The following EPHB1 variants were observed in gnomAD, a reference collection of about 807,000 sequenced individuals.
The protein encoded by EPHB1 is ephrin type-B receptor 1.
A neutral mutation model predicts 94.4 loss-of-function variants in EPHB1; 30 were observed. That is an observed-to-expected ratio of 0.32 (90% CI 0.24 to 0.43). The LOEUF is 0.43. Among genes scored for constraint, EPHB1 ranks in the 20% least tolerant of loss-of-function variants. EPHB1 has a pLI of 1.00. For missense variants in EPHB1, 1,055 were observed against 1,308.3 expected, an observed-to-expected ratio of 0.81 and a Z score of 2.99; for synonymous variants, 522 against 489.1, an observed-to-expected ratio of 1.07 and a Z score of -0.89.
intron 1 of EPHB1, among the ~76,000 whole-genome samples, chr3:134,826,259 A>G (rs1366251587): frequency 1.3e-5 from 2 of 151,848 alleles, no homozygotes; most frequent in Non-Finnish European, 2.9e-5. Context: ...CTCAAAAAAA[A>G]AAAAAAAAGC....
At chr3:135,165,864 C>CT (rs1941638919) in intron 7 of EPHB1, 104 bp from the exon 8 acceptor site, 1 of 782,888 alleles carries the variant, frequency 1.3e-6, no homozygotes, top group Non-Finnish European at 2.2e-6. Context: ...AAACTATCCT[C>CT]TACATATATG....
intron 1 of EPHB1, among the ~76,000 whole-genome samples, chr3:134,869,361 T>C (rs1335602454): frequency 6.6e-6 from 1 of 152,216 alleles, no homozygotes; most frequent in African/African-American, 2.4e-5. Context: ...CCATTCTCAA[T>C]AGACTCTGCA....
chr3:134,915,473 C>T (rs578219264), intron 1 of EPHB1, among the ~76,000 whole-genome samples: 1 of 152,240 alleles, frequency 6.6e-6, no homozygotes, highest in African/African-American at 2.4e-5. Flanking sequence ...AGATCCTCCC[C>T]GATAGGTTCA....
chr3:135,141,937 A>G (rs1030279145), intron 5 of EPHB1, among the ~76,000 whole-genome samples: 2 of 152,186 alleles, frequency 1.3e-5, no homozygotes, highest in Non-Finnish European at 2.9e-5. Flanking sequence ...ATGGAGAACA[A>G]AGAAAGCAAA....
intron 1 of EPHB1, among the ~76,000 whole-genome samples, chr3:134,813,240 G>T (rs1272584733): frequency 6.6e-6 from 1 of 152,084 alleles, no homozygotes; most frequent in Non-Finnish European, 1.5e-5. Context: ...ACATGACCTG[G>T]GATTGTGCTA....
intron 3 of EPHB1, among the ~76,000 whole-genome samples, chr3:135,049,195 C>A (rs78109022): frequency 6.6e-6 from 1 of 152,322 alleles, no homozygotes; most frequent in East Asian, 1.9e-4. Context: ...ACCTCCTTGC[C>A]TGAATATTTG....
At chr3:135,053,266 C>T (rs1259564490) in intron 3 of EPHB1, among the ~76,000 whole-genome samples, 4 of 151,644 alleles carry the variant, frequency 2.6e-5, no homozygotes, top group East Asian at 1.9e-4. Flanking sequence ...TTGATCATCA[C>T]ACACTCTATG....
At chr3:134,865,779 G>A (rs1014186019) in intron 1 of EPHB1, among the ~76,000 whole-genome samples, 14 of 152,152 alleles carry the variant, frequency 9.2e-5, no homozygotes, top group Non-Finnish European at 2.9e-5. Context: ...CCTTTTGGAT[G>A]AAAAAGCTAG....
At chr3:134,903,086 A>G (rs2038236366) in intron 1 of EPHB1, among the ~76,000 whole-genome samples, 2 of 152,224 alleles carry the variant, frequency 1.3e-5, no homozygotes, top group South Asian at 4.1e-4. Context: ...TGAGGGTACT[A>G]GGTCCCATTT....
chr3:134,980,933 C>T (rs1204004157), intron 3 of EPHB1, among the ~76,000 whole-genome samples: 1 of 152,118 alleles, frequency 6.6e-6, no homozygotes, highest in Non-Finnish European at 1.5e-5. Flanking sequence ...GAGGAGAAGC[C>T]AAAGAAACAG....
chr3:134,884,362 C>G (rs1249654199), intron 1 of EPHB1, among the ~76,000 whole-genome samples: 2 of 152,186 alleles, frequency 1.3e-5, no homozygotes, highest in African/African-American at 4.8e-5. Context: ...CTTTATTAAG[C>G]CTCAAAGAAG....
chr3:134,994,689 GCTGGGA>G (rs771332096), intron 3 of EPHB1, among the ~76,000 whole-genome samples: 5 of 152,318 alleles, frequency 3.3e-5, no homozygotes, highest in Non-Finnish European at 7.3e-5. Flanking sequence ...CTCCCATGCA[GCTGGGA>G]CTTCAGGCAC....
chr3:134,963,169 CCTTCCTTCCTTCCTT>C (rs1396801933), intron 3 of EPHB1, among the ~76,000 whole-genome samples: 1 of 148,516 alleles, frequency 6.7e-6, no homozygotes, highest in Non-Finnish European at 1.5e-5. Flanking sequence ...TTCCTTCCTT[CCTTCCTTCCTTCCTT>C]CTTCCTTCTT....
chr3:134,897,468 C>T (rs1003428230), intron 1 of EPHB1, among the ~76,000 whole-genome samples: 8 of 152,154 alleles, frequency 5.3e-5, no homozygotes, highest in Non-Finnish European at 8.8e-5. Context: ...CCTCTTAAGG[C>T]GCTCCTCACA....
intron 3 of EPHB1, among the ~76,000 whole-genome samples, chr3:134,965,356 TCTACCTACCCTGCCTATCTCTGC>T (rs1933695106): frequency 6.6e-6 from 1 of 152,218 alleles, no homozygotes; most frequent in Non-Finnish European, 1.5e-5. Context: ...CTTCCCCTGC[TCTACCTACCCTGCCTATCTCTGC>T]CTACCTACCC....
At chr3:134,992,656 G>A (rs1455212176) in intron 3 of EPHB1, among the ~76,000 whole-genome samples, 1 of 152,170 alleles carries the variant, frequency 6.6e-6, no homozygotes, top group Non-Finnish European at 1.5e-5. Context: ...CAGCCTTCAA[G>A]TGCCTGCCTA....
chr3:135,248,610 G>C (rs1354178851), intron 14 of EPHB1, 101 bp downstream of exon 14: 2 of 1,239,106 alleles, frequency 1.6e-6, no homozygotes, highest in Non-Finnish European at 2.2e-6. Context: ...TTTTTAAAGA[G>C]TATCTAGTTG....
chr3:134,805,570 C>T (rs2036027454), intron 1 of EPHB1, among the ~76,000 whole-genome samples: 1 of 152,084 alleles, frequency 6.6e-6, no homozygotes, highest in Admixed American at 6.5e-5. Flanking sequence ...CTTCCTTTCC[C>T]AGCTCCACAC....
Position 135,180,360 on chromosome 3 carries a change from A to T in EPHB1, c.1882+378A>T, listed in dbSNP as rs375186168. Among the ~76,000 whole-genome samples, 5 of 152,388 alleles carry T rather than the reference A, an allele frequency of 3.3e-5. No individual in the cohort carries two copies. The South Asian group carries it at 8.3e-4, about 25-fold the overall frequency. On this transcript the variant is annotated intron_variant, in intron 10 of 15. Coordinates refer to ENST00000398015, the MANE Select transcript of EPHB1 (RefSeq NM_004441.5). ...ACTAACAATGATATCTCAATGGGTT[A>T]AAGTCAAGATATCTTGCCATACTGT... is the stretch of plus-strand genomic sequence containing the variant.
Sources: gnomAD v4.1 joint callset for allele counts (sites outside exome capture counted in the v4.1 genomes callset) on GRCh38, gnomAD v4.1.1 for gene constraint, MANE v1.5 for transcripts, NCBI Gene and HGNC (gene_info 2026-07-23, HGNC 2026-07-21) for gene names.